PHTF2: variants seen among roughly 807,000 people sequenced by gnomAD.
PHTF2 encodes protein PHTF2.
Under a neutral mutation model 101.2 loss-of-function variants are expected in PHTF2, and 60 were observed. The ratio of observed to expected loss-of-function variants is 0.59; its 90% CI spans 0.48 to 0.73. The LOEUF (loss-of-function observed/expected upper bound fraction) is 0.73. PHTF2 is among the 30% of genes least tolerant of loss of function. The pLI is 0.00. For missense variants in PHTF2, 747 were observed against 908.7 expected (o/e 0.82, Z 2.29); for synonymous variants, 311 against 307.3 (o/e 1.01, Z -0.13).
At chr7:77,821,710 G>C (rs980984135) in intron 1 of PHTF2, among the ~76,000 whole-genome samples, 4 of 152,000 alleles carry the variant, frequency 2.6e-5, no homozygotes, top group African/African-American at 4.8e-5. Flanking sequence ...TGTCTACCGG[G>C]GGGGCCCACA....
At chr7:77,851,821 T>G (rs1796785787) in intron 2 of PHTF2, among the ~76,000 whole-genome samples, 1 of 152,194 alleles carries the variant, frequency 6.6e-6, no homozygotes, top group Admixed American at 6.5e-5. Flanking sequence ...TTTCAACTTT[T>G]TTGATATAGG....
intron 5 of PHTF2, chr7:77,895,826 A>G (rs1430618832): frequency 6.6e-6 from 1 of 152,134 alleles, no homozygotes; most frequent in African/African-American, 2.4e-5. Flanking sequence ...CCCTTTAAAG[A>G]TGATACCTTG....
At position 77,799,454 on chromosome 7, in the gene PHTF2, G is replaced by A. The variant is rs182151389; in HGVS notation, c.-36+483G>A. ...CTCGGGAGGGGGCGGCGGCTCGCGC[G>A]CTGGAGGAGGTGGAAGGAGGGTCGC... is the stretch of plus-strand genomic sequence containing the variant. On this transcript the variant is annotated intron_variant, in intron 1 of 19. Coordinates refer to ENST00000416283, the Ensembl canonical transcript of PHTF2. Among the ~76,000 whole-genome samples the A allele has an allele frequency of 7.1e-3, 1,082 of 152,316 alleles. 8 individuals are homozygous for A. Among genetic ancestry groups the A allele is most frequent in the Non-Finnish European group, 0.013 (862 of 68,018 alleles).
At chr7:77,884,090 T>A (rs1006618641) in intron 3 of PHTF2, among the ~76,000 whole-genome samples, 1 of 152,182 alleles carries the variant, frequency 6.6e-6, no homozygotes, top group Non-Finnish European at 1.5e-5. Flanking sequence ...CCAGGTATCT[T>A]AAACAGTCCA....
At chr7:77,954,062 C>T (rs1322375485) in intron 19 of PHTF2, among the ~76,000 whole-genome samples, 168 bp downstream of exon 18, 1 of 152,130 alleles carries the variant, frequency 6.6e-6, no homozygotes, top group Non-Finnish European at 1.5e-5. Context: ...TATAATACTG[C>T]AGGAATTTCT....
intron 12 of PHTF2, among the ~76,000 whole-genome samples, chr7:77,930,799 CTT>C (rs1383740118): frequency 6.6e-6 from 1 of 152,190 alleles, no homozygotes; most frequent in African/African-American, 2.4e-5. Context: ...GCTCTGGTCT[CTT>C]TACCTCTGTC....
At chr7:77,899,998 C>T (rs979854711) in intron 5 of PHTF2, among the ~76,000 whole-genome samples, 1 of 151,466 alleles carries the variant, frequency 6.6e-6, no homozygotes, top group African/African-American at 2.4e-5. Context: ...TAGTTTTGAT[C>T]TACACCCCCC....
intron 2 of PHTF2, among the ~76,000 whole-genome samples, chr7:77,844,589 A>T (rs1330465585): frequency 6.6e-6 from 1 of 152,166 alleles, no homozygotes; most frequent in Non-Finnish European, 1.5e-5. Context: ...CAGTGGTACG[A>T]TCTTGGCTCA....
At chr7:77,802,778 A>G (rs1234249998) in intron 1 of PHTF2, among the ~76,000 whole-genome samples, 3 of 152,142 alleles carry the variant, frequency 2.0e-5, no homozygotes, top group Admixed American at 6.5e-5. Context: ...TGATTTTCCC[A>G]TCTTGGCCTA....
At chr7:77,844,744 C>T (rs189786533) in intron 2 of PHTF2, among the ~76,000 whole-genome samples, 3 of 152,214 alleles carry the variant, frequency 2.0e-5, no homozygotes, top group East Asian at 3.9e-4. Context: ...AGGCTGGTCT[C>T]GAAATCTTGA....
chr7:77,843,993 G>GTAAC (rs1285115357), intron 2 of PHTF2, among the ~76,000 whole-genome samples: 1 of 152,042 alleles, frequency 6.6e-6, no homozygotes, highest in Non-Finnish European at 1.5e-5. Context: ...TGTTTGGTTA[G>GTAAC]TAACTCACTT....
exon 10 of PHTF2, chr7:77,920,453 T>C: frequency 6.2e-7 from 1 of 1,612,482 alleles, no homozygotes; most frequent in Non-Finnish European, 8.5e-7. Flanking sequence ...CACTGAGGAA[T>C]GGTCCTAGCA....
At chr7:77,807,687 A>G (rs1049815542) in intron 1 of PHTF2, among the ~76,000 whole-genome samples, 2 of 152,136 alleles carry the variant, frequency 1.3e-5, no homozygotes, top group African/African-American at 4.8e-5. Flanking sequence ...TTGATGAACA[A>G]AAGGTTTTAA....
intron 1 of PHTF2, among the ~76,000 whole-genome samples, chr7:77,835,888 G>C (rs978605106): frequency 6.6e-6 from 1 of 152,104 alleles, no homozygotes; most frequent in African/African-American, 2.4e-5. Context: ...GGGAGGCTGA[G>C]ACGGGAGGAT....
chr7:77,811,502 G>A (rs1304740041), intron 1 of PHTF2, among the ~76,000 whole-genome samples: 1 of 152,188 alleles, frequency 6.6e-6, no homozygotes, highest in Admixed American at 6.5e-5. Context: ...TAAGATGGGT[G>A]CCAAATGGTG....
At chr7:77,875,433 T>C (rs1798847146) in intron 3 of PHTF2, among the ~76,000 whole-genome samples, 1 of 152,098 alleles carries the variant, frequency 6.6e-6, no homozygotes, top group African/African-American at 2.4e-5. Context: ...ATTTCCAGGC[T>C]TGTTATAAGG....
chr7:77,827,934 G>A (rs1794810272), intron 1 of PHTF2, among the ~76,000 whole-genome samples: 1 of 152,176 alleles, frequency 6.6e-6, no homozygotes, highest in South Asian at 2.1e-4. Flanking sequence ...GCGAGCCACG[G>A]AGCCCAGCCT....
At chr7:77,800,929 C>T (rs995825136) in intron 1 of PHTF2, among the ~76,000 whole-genome samples, 5 of 152,296 alleles carry the variant, frequency 3.3e-5, no homozygotes, top group East Asian at 3.9e-4. Context: ...CCAAAGCCTA[C>T]ATTCCAAGCC....
chr7:77,864,492 A>G (rs1487829380), intron 3 of PHTF2, among the ~76,000 whole-genome samples: 1 of 152,210 alleles, frequency 6.6e-6, no homozygotes, highest in Non-Finnish European at 1.5e-5. Context: ...TTGTAGCCTC[A>G]TTGCCTACCC....
Sources: allele counts gnomAD v4.1 joint callset (sites outside exome capture counted in the v4.1 genomes callset), GRCh38; gene constraint gnomAD v4.1.1; transcripts MANE v1.5; gene names NCBI Gene and HGNC (gene_info 2026-07-23, HGNC 2026-07-21).